ABCD2: variants seen among roughly 807,000 people sequenced by gnomAD.
ABCD2 encodes the protein ATP-binding cassette sub-family D member 2.
A neutral mutation model predicts 70.9 loss-of-function variants in ABCD2; 36 were observed. The observed-to-expected ratio is 0.51, with a 90% CI of 0.39 to 0.67. The LOEUF (loss-of-function observed/expected upper bound fraction) is 0.67, where lower values mean the gene tolerates loss of function less well. Among genes scored for constraint, ABCD2 ranks in the 30% least tolerant of loss-of-function variants. ABCD2 has a pLI of 0.00. For missense variants in ABCD2, 729 were observed against 890.2 expected (o/e 0.82, Z 2.30); for synonymous variants, 304 against 306.9 (o/e 0.99, Z 0.10).
the ABCD2 span, among the ~76,000 whole-genome samples, chr12:39,542,508 T>TAG: frequency 6.6e-6 from 1 of 150,598 alleles, no homozygotes; most frequent in Non-Finnish European, 1.5e-5. Context: ...TGAATGGATG[T>TAG]AGAGAGATTA....
intron 6 of ABCD2, among the ~76,000 whole-genome samples, chr12:39,598,999 T>G (rs1386261395): frequency 6.6e-6 from 1 of 152,156 alleles, no homozygotes; most frequent in South Asian, 2.1e-4. Flanking sequence ...TTAACAGTAA[T>G]TATTAAAATA....
At chr12:39,610,523 T>C (rs1942031235) in intron 2 of ABCD2, among the ~76,000 whole-genome samples, 1 of 152,186 alleles carries the variant, frequency 6.6e-6, no homozygotes, top group African/African-American at 2.4e-5. Flanking sequence ...CTTATATCAG[T>C]TAAAATGCTA....
At chr12:39,543,288 C>T in the ABCD2 span, among the ~76,000 whole-genome samples, 1 of 152,132 alleles carries the variant, frequency 6.6e-6, no homozygotes, top group African/African-American at 2.4e-5. Context: ...GGGAAGCCAG[C>T]GTGACATTTG....
intron 6 of ABCD2, among the ~76,000 whole-genome samples, chr12:39,592,916 C>T (rs1427299928): frequency 1.3e-5 from 2 of 152,118 alleles, no homozygotes; most frequent in African/African-American, 4.8e-5. Context: ...AACAGCATAC[C>T]CCAGATTCTT....
At chr12:39,569,899 C>A (rs1941422205) in intron 9 of ABCD2, among the ~76,000 whole-genome samples, 1 of 152,030 alleles carries the variant, frequency 6.6e-6, no homozygotes, top group Non-Finnish European at 1.5e-5. Flanking sequence ...TTGCAAGATA[C>A]AAAATCAGTA....
chr12:39,533,223 C>G, the ABCD2 span, among the ~76,000 whole-genome samples: 1 of 151,884 alleles, frequency 6.6e-6, no homozygotes. Flanking sequence ...GAATGCTTAC[C>G]AATTTATTCA....
chr12:39,601,708 A>G (rs556161118), intron 5 of ABCD2, among the ~76,000 whole-genome samples: 1 of 152,138 alleles, frequency 6.6e-6, no homozygotes, highest in Non-Finnish European at 1.5e-5. Flanking sequence ...AAGGATACCA[A>G]TATTCAAGTA....
chr12:39,542,264 C>A, the ABCD2 span, among the ~76,000 whole-genome samples: 1 of 152,050 alleles, frequency 6.6e-6, no homozygotes, highest in Admixed American at 6.6e-5. Flanking sequence ...GAGATCTAGG[C>A]AATCCTGGCT....
chr12:39,567,597 G>T (rs897424934), intron 9 of ABCD2, among the ~76,000 whole-genome samples: 1 of 151,876 alleles, frequency 6.6e-6, no homozygotes, highest in Admixed American at 6.6e-5. Context: ...TTGCCAATTT[G>T]TGTCTTTTAA....
Position 39,550,948 on chromosome 12 carries a change from C to T in ABCD2, c.*2964G>A, listed in dbSNP as rs1677239765. ...GCCAAATATGAAACTATACTTGGAACCAATGTTTCAAATAAAAACTAGGAT... is the reference window on the plus strand; with the variant it reads ...GCCAAATATGAAACTATACTTGGAATCAATGTTTCAAATAAAAACTAGGAT... On this transcript the variant is annotated 3_prime_UTR_variant, in exon 10 of 10. Transcript: ENST00000308666. 7 of 151,618 alleles carry T rather than the reference C, an allele frequency of 4.6e-5. No homozygotes were observed. Among genetic ancestry groups the T allele is most frequent in the Admixed American group, 4.0e-4 (6 of 15,188 alleles). The allele number at this position is 151,618 out of a possible 1,614,324, so 9.4% of individuals were successfully genotyped here. A position where few individuals can be genotyped will look rare whatever the true frequency, so the allele number is the denominator to read the frequency against.
intron 9 of ABCD2, among the ~76,000 whole-genome samples, chr12:39,556,380 A>G (rs2120527024): frequency 6.6e-6 from 1 of 152,288 alleles, no homozygotes; most frequent in East Asian, 1.9e-4. Flanking sequence ...AGGCAGTTGG[A>G]TCATGGGGGT....
At chr12:39,538,728 G>T in the ABCD2 span, among the ~76,000 whole-genome samples, 1 of 152,288 alleles carries the variant, frequency 6.6e-6, no homozygotes, top group South Asian at 2.1e-4. Flanking sequence ...GTCCCAAGGC[G>T]CAAGGCTACT....
chr12:39,585,666 A>C (rs1941654174), intron 7 of ABCD2, among the ~76,000 whole-genome samples: 1 of 152,186 alleles, frequency 6.6e-6, no homozygotes, highest in East Asian at 1.9e-4. Context: ...TTTTATGCTG[A>C]AAAACCACAA....
chr12:39,607,505 G>A (rs895705296), intron 3 of ABCD2, 94 bp downstream of exon 3: 15 of 1,051,082 alleles, frequency 1.4e-5, no homozygotes, highest in Non-Finnish European at 1.8e-5. Context: ...GAAAAGATAT[G>A]TTTCCAAAAT....
At position 39,618,958 on chromosome 12, in the gene ABCD2, A is replaced by T; in HGVS notation, c.658T>A (p.Ser220Thr). ...AGATTGGAATACAAGTGAGCCACAG[A>T]TTGGGAGAACATCATAATATCCTCC... is the stretch of plus-strand genomic sequence containing the variant. ...LTEDIMMFSQ[S>T]VAHLYSNLTK... The change falls in exon 1 of 10, where the codon TCT becomes ACT. Residue 220 changes from serine to threonine, a missense_variant. Ser to Thr is a moderately conservative substitution (Grantham distance 58, BLOSUM62 1). Transcript: ENST00000308666. 1.9e-6 allele frequency: 3 copies of T among 1,614,210 alleles called. No homozygotes were observed. Among genetic ancestry groups the T allele is most frequent in the Non-Finnish European group, 2.5e-6 (3 of 1,180,040 alleles).
intron 9 of ABCD2, among the ~76,000 whole-genome samples, chr12:39,565,468 C>T (rs1200110745): frequency 6.6e-6 from 1 of 152,110 alleles, no homozygotes; most frequent in Non-Finnish European, 1.5e-5. Context: ...GTGATTTTTG[C>T]ATATCGATTT....
At chr12:39,581,493 A>C (rs1941594979) in intron 7 of ABCD2, among the ~76,000 whole-genome samples, 3 of 152,200 alleles carry the variant, frequency 2.0e-5, no homozygotes, top group African/African-American at 7.2e-5. Flanking sequence ...TATGTTAGGA[A>C]AAATAATCTT....
chr12:39,538,532 ATTC>A, the ABCD2 span, among the ~76,000 whole-genome samples: 3 of 152,180 alleles, frequency 2.0e-5, no homozygotes, highest in South Asian at 6.2e-4. Flanking sequence ...ATTTTGTCCA[ATTC>A]TTTGTTCAAG....
chr12:39,602,199 T>A (rs1591993201), intron 5 of ABCD2, among the ~76,000 whole-genome samples: 1 of 151,518 alleles, frequency 6.6e-6, no homozygotes, highest in African/African-American at 2.4e-5. Flanking sequence ...CTGTCTCAGG[T>A]TGGAGTGCAG....
Sources: allele counts gnomAD v4.1 joint callset (sites outside exome capture counted in the v4.1 genomes callset), GRCh38; gene constraint gnomAD v4.1.1; transcripts MANE v1.5; gene names NCBI Gene and HGNC (gene_info 2026-07-23, HGNC 2026-07-21).